The following TRIM2 variants were observed in gnomAD, a reference collection of about 807,000 sequenced individuals.
TRIM2 encodes tripartite motif-containing protein 2.
Under a neutral mutation model 75.2 loss-of-function variants are expected in TRIM2, and 20 were observed. The observed-to-expected ratio is 0.27, with a 90% CI of 0.19 to 0.39. The LOEUF (loss-of-function observed/expected upper bound fraction) is 0.39. TRIM2 is among the 10% of genes least tolerant of loss of function. TRIM2 has a pLI of 1.00. For synonymous variants in TRIM2, 373 were observed against 388.3 expected (o/e 0.96, Z 0.46); for missense variants, 660 against 990.8 (o/e 0.67, Z 4.48).
At chr4:153,287,998 A>T (rs549768904) in intron 3 of TRIM2, among the ~76,000 whole-genome samples, 18 of 152,256 alleles carry the variant, frequency 1.2e-4, no homozygotes, top group African/African-American at 4.1e-4. Flanking sequence ...ATTTCTGGTA[A>T]TGTGTTAATT....
chr4:153,317,742 T>G (rs75254012), intron 8 of TRIM2, among the ~76,000 whole-genome samples: 4 of 152,132 alleles, frequency 2.6e-5, no homozygotes, highest in African/African-American at 9.6e-5. Flanking sequence ...GCAGGAGGAT[T>G]GCTTGAGCCC....
Position 153,338,917 on chromosome 4 carries a change from C to CTA in TRIM2, c.*3954_*3955dup. 2 of 981,506 alleles carry CTA rather than the reference C, an allele frequency of 2.0e-6. No homozygotes were observed. The highest frequency in any genetic ancestry group is 2.4e-6 in the Non-Finnish European group (2 of 828,838). The allele number at this position is 981,506 out of a possible 1,614,324, so 60.8% of individuals were successfully genotyped here. The stretch of plus-strand genomic sequence containing the variant: ...AGAATTCTTTATATCGTTCTCAATT[C>CTA]TATAGACTTTCAAGCCTATGTATGA... On this transcript the variant is annotated 3_prime_UTR_variant, in exon 12 of 12. Coordinates refer to ENST00000338700, the MANE Select transcript of TRIM2 (RefSeq NM_015271.5).
chr4:153,296,127 C>G, intron 6 of TRIM2, 91 bp downstream of exon 6: 1 of 1,445,298 alleles, frequency 6.9e-7, no homozygotes, highest in East Asian at 2.4e-5. Context: ...ACACTGCAGC[C>G]CAGAACTCTA....
chr4:153,318,955 G>GGT (rs994067968), intron 8 of TRIM2, among the ~76,000 whole-genome samples: 1 of 152,166 alleles, frequency 6.6e-6, no homozygotes, highest in Non-Finnish European at 1.5e-5. Context: ...TTCTATGATA[G>GGT]GTGTTGATCA....
chr4:153,242,084 T>C (rs1475003433), intron 1 of TRIM2, among the ~76,000 whole-genome samples: 1 of 152,222 alleles, frequency 6.6e-6, no homozygotes, highest in Non-Finnish European at 1.5e-5. Flanking sequence ...GGCCATCTGA[T>C]GCCAACCACG....
At chr4:153,247,994 T>C (rs942897418) in intron 1 of TRIM2, among the ~76,000 whole-genome samples, 1 of 126,098 alleles carries the variant, frequency 7.9e-6, no homozygotes, top group Non-Finnish European at 1.6e-5. Context: ...TTGGATCATG[T>C]GTTTTTTTTT....
At chr4:153,186,384 G>A (rs956526407) in intron 1 of TRIM2, among the ~76,000 whole-genome samples, 4 of 152,058 alleles carry the variant, frequency 2.6e-5, no homozygotes, top group African/African-American at 4.8e-5. Context: ...TTAGAATATC[G>A]TGCTTTAAAA....
chr4:153,291,031 G>A (rs1280092720), intron 3 of TRIM2, among the ~76,000 whole-genome samples: 1 of 151,484 alleles, frequency 6.6e-6, no homozygotes, highest in Non-Finnish European at 1.5e-5. Flanking sequence ...TGAAATTACA[G>A]CCTTATATGA....
intron 1 of TRIM2, among the ~76,000 whole-genome samples, chr4:153,198,610 G>A (rs1437309553): frequency 6.6e-6 from 1 of 152,188 alleles, no homozygotes; most frequent in Non-Finnish European, 1.5e-5. Context: ...GGCCTCTGTT[G>A]TGACTTCACC....
intron 1 of TRIM2, among the ~76,000 whole-genome samples, chr4:153,190,380 A>C (rs1168346413): frequency 6.6e-6 from 1 of 152,256 alleles, no homozygotes; most frequent in Admixed American, 6.5e-5. Flanking sequence ...ACATTTACTG[A>C]GCACCTACAT....
intron 2 of TRIM2, among the ~76,000 whole-genome samples, chr4:153,275,195 T>C (rs990729821): frequency 2.0e-5 from 3 of 152,200 alleles, no homozygotes; most frequent in Non-Finnish European, 2.9e-5. Context: ...ACCTATCTCA[T>C]AGGCTCATTG....
Position 153,337,880 on chromosome 4 carries a change from C to T in TRIM2, c.*2914C>T. The T allele has an allele frequency of 1.0e-6, 1 of 985,792 alleles. No individual in the cohort carries two copies. Among genetic ancestry groups the T allele is most frequent in the Non-Finnish European group, 1.2e-6 (1 of 829,928 alleles). 61.1% of individuals were successfully genotyped at this position (985,792 alleles called of 1,614,324 possible). On this transcript the variant is annotated 3_prime_UTR_variant, in exon 12 of 12. Transcript: ENST00000338700. Reference sequence around the variant, plus strand: ...TGGGATTTCAAGGTCAGTGACGACGCATTTCCTCCCAGTACAGACCCCCCA... The same window carrying T: ...TGGGATTTCAAGGTCAGTGACGACGTATTTCCTCCCAGTACAGACCCCCCA...
rs563072516 is a variant in TRIM2, at chr4:153,285,145, T to C, written c.454-7837T>C. On this transcript the variant is annotated intron_variant, in intron 3 of 11. Coordinates refer to ENST00000338700, the MANE Select transcript of TRIM2 (RefSeq NM_015271.5). Reference sequence around the variant, plus strand: ...TTGAAGGAAGGGTTAAATTTCATTCTTGTACATGTGAATTTCTAGTTACCT... The same window carrying C: ...TTGAAGGAAGGGTTAAATTTCATTCCTGTACATGTGAATTTCTAGTTACCT... Among the ~76,000 whole-genome samples the C allele has an allele frequency of 2.0e-5, 3 of 152,330 alleles. No individual in the cohort carries two copies. In the South Asian group the frequency reaches 6.2e-4, roughly 32 times the overall value.
intron 2 of TRIM2, among the ~76,000 whole-genome samples, chr4:153,273,306 C>T (rs1312827726): frequency 2.6e-5 from 2 of 78,158 alleles, no homozygotes; most frequent in East Asian, 2.8e-4. Context: ...GACAGAGTCT[C>T]GCTCTGCCGC....
At chr4:153,267,753 C>CCT (rs1341048462) in intron 1 of TRIM2, among the ~76,000 whole-genome samples, 138 of 148,176 alleles carry the variant, frequency 9.3e-4, no homozygotes, top group Admixed American at 3.2e-3. Flanking sequence ...TTCCTTCCTT[C>CCT]TCTCTCTTTC....
chr4:153,210,367 G>A (rs1373957017), intron 1 of TRIM2, among the ~76,000 whole-genome samples: 1 of 152,028 alleles, frequency 6.6e-6, no homozygotes, highest in Non-Finnish European at 1.5e-5. Context: ...GCCTGGGCTG[G>A]GTGACTTAAT....
intron 1 of TRIM2, among the ~76,000 whole-genome samples, chr4:153,252,335 T>A (rs1751065190): frequency 1.3e-5 from 2 of 152,200 alleles, no homozygotes; most frequent in African/African-American, 4.8e-5. Flanking sequence ...GGTGACATAC[T>A]GAAAGAGGAA....
intron 1 of TRIM2, among the ~76,000 whole-genome samples, chr4:153,260,686 A>AC (rs1560902694): frequency 1.7e-4 from 3 of 17,466 alleles, no homozygotes; most frequent in Non-Finnish European, 3.9e-4. Context: ...CCACCCACAC[A>AC]CCCACCCCCC....
chr4:153,288,992 G>GT (rs770563348), intron 3 of TRIM2, among the ~76,000 whole-genome samples: 3 of 151,978 alleles, frequency 2.0e-5, no homozygotes, highest in African/African-American at 4.8e-5. Context: ...TGTTCTCATA[G>GT]TTTTTTATAT....
Sources: allele counts gnomAD v4.1 joint callset (sites outside exome capture counted in the v4.1 genomes callset), GRCh38; gene constraint gnomAD v4.1.1; transcripts MANE v1.5; gene names NCBI Gene and HGNC (gene_info 2026-07-23, HGNC 2026-07-21).